The following NPAS3 variants were observed in gnomAD, a reference collection of about 807,000 sequenced individuals.
NPAS3 encodes neuronal PAS domain-containing protein 3.
A neutral mutation model predicts 73.1 loss-of-function variants in NPAS3; 14 were observed. That is an observed-to-expected ratio of 0.19 (90% confidence interval 0.13 to 0.30). The LOEUF (loss-of-function observed/expected upper bound fraction) is 0.30, where lower values mean the gene tolerates loss of function less well. Among genes scored for constraint, NPAS3 ranks in the 10% least tolerant of loss-of-function variants. The pLI is 1.00. For synonymous variants in NPAS3, 620 were observed against 541.5 expected (o/e 1.14, Z -2.01); for missense variants, 1,096 against 1,250.0 (o/e 0.88, Z 1.86).
intron 3 of NPAS3, among the ~76,000 whole-genome samples, chr14:33,219,873 A>T (rs2047358922): frequency 6.6e-6 from 1 of 152,144 alleles, no homozygotes; most frequent in South Asian, 2.1e-4. Flanking sequence ...AGACTCCAAG[A>T]CTGAGTGATA....
At position 33,387,393 on chromosome 14, in the gene NPAS3, T is replaced by C. The variant is rs1373417733; in HGVS notation, c.468+20125T>C. 2.6e-5 allele frequency among the ~76,000 whole-genome samples: 4 copies of C among 152,248 alleles called. No homozygotes were observed. The East Asian group carries it at 7.7e-4, about 29-fold the overall frequency. ...TGGCAAGACTCAGAAGCCCGGAGCTTAGCCAGGGAGAACCTTTATGCTGCT... is the reference window on the plus strand; with the variant it reads ...TGGCAAGACTCAGAAGCCCGGAGCTCAGCCAGGGAGAACCTTTATGCTGCT... On this transcript the variant is annotated intron_variant, in intron 4 of 11. Coordinates refer to ENST00000356141, the Ensembl canonical transcript of NPAS3.
chr14:33,659,739 A>G (rs2059253334), intron 5 of NPAS3, among the ~76,000 whole-genome samples: 1 of 152,186 alleles, frequency 6.6e-6, no homozygotes, highest in Non-Finnish European at 1.5e-5. Flanking sequence ...GGAAGCAAAA[A>G]AAAAAGTAGC....
chr14:33,141,840 G>A (rs1257319645), intron 2 of NPAS3, among the ~76,000 whole-genome samples: 4 of 152,140 alleles, frequency 2.6e-5, no homozygotes, highest in South Asian at 2.1e-4. Context: ...GATCTGATAC[G>A]TATCGATAGA....
intron 1 of NPAS3, among the ~76,000 whole-genome samples, chr14:32,958,812 G>C (rs892989123): frequency 1.3e-5 from 2 of 152,040 alleles, no homozygotes; most frequent in African/African-American, 4.8e-5. Context: ...TAAATACATG[G>C]GCAGGAAACA....
At chr14:33,530,218 T>G (rs911129547) in intron 4 of NPAS3, among the ~76,000 whole-genome samples, 3 of 152,170 alleles carry the variant, frequency 2.0e-5, no homozygotes, top group Non-Finnish European at 4.4e-5. Flanking sequence ...CTGGGACCTG[T>G]GCAGCTAGAA....
intron 1 of NPAS3, among the ~76,000 whole-genome samples, chr14:32,997,760 TAAA>T (rs36083770): frequency 4.4e-5 from 5 of 112,734 alleles, no homozygotes; most frequent in Admixed American, 9.3e-5. Context: ...CCGTCTCTAC[TAAA>T]AAAAAAAAAA....
chr14:33,575,935 G>C (rs899632552), intron 5 of NPAS3, among the ~76,000 whole-genome samples: 1 of 152,116 alleles, frequency 6.6e-6, no homozygotes, highest in Non-Finnish European at 1.5e-5. Flanking sequence ...AAGAGAGAGA[G>C]AGGAAGCTAA....
chr14:33,764,474 T>TG (rs1189359564), intron 7 of NPAS3, among the ~76,000 whole-genome samples: 1 of 152,190 alleles, frequency 6.6e-6, no homozygotes, highest in African/African-American at 2.4e-5. Flanking sequence ...AATAAGAGCT[T>TG]GGGGGTTCTA....
chr14:33,227,966 A>AT (rs999163359), intron 3 of NPAS3, among the ~76,000 whole-genome samples: 6 of 152,014 alleles, frequency 3.9e-5, no homozygotes, highest in Non-Finnish European at 1.5e-5. Context: ...CTGTGAACAC[A>AT]TTTTTTTGCT....
At chr14:33,267,597 C>A (rs2040875180) in intron 3 of NPAS3, among the ~76,000 whole-genome samples, 2 of 152,144 alleles carry the variant, frequency 1.3e-5, no homozygotes, top group African/African-American at 2.4e-5. Context: ...TATTCTTCTT[C>A]ATGAAGGTAG....
intron 4 of NPAS3, among the ~76,000 whole-genome samples, chr14:33,464,818 G>T (rs1339667606): frequency 6.6e-6 from 1 of 152,190 alleles, no homozygotes; most frequent in Non-Finnish European, 1.5e-5. Flanking sequence ...TCAGAGAACT[G>T]CCTGGTCCTG....
chr14:33,508,363 CT>C (rs556671718), intron 4 of NPAS3, among the ~76,000 whole-genome samples: 2 of 152,110 alleles, frequency 1.3e-5, no homozygotes, highest in South Asian at 4.1e-4. Context: ...TTCCTCAGCA[CT>C]ATGAAGCAGT....
chr14:33,056,103 G>T, intron 2 of NPAS3, 109 bp downstream of exon 2: 2 of 435,928 alleles, frequency 4.6e-6, no homozygotes, highest in South Asian at 8.3e-5. Flanking sequence ...ATCTAATTTA[G>T]TGGGGGAGAA....
At position 33,765,047 on chromosome 14, in the gene NPAS3, G is replaced by A. The variant is rs187434004; in HGVS notation, c.853-9290G>A. Reference sequence around the variant, plus strand: ...CCAATAAAAAATCTTATCTTTAGTAGAAAAAGACTGTTTTCTCCAAAGGGA... The same window carrying A: ...CCAATAAAAAATCTTATCTTTAGTAAAAAAAGACTGTTTTCTCCAAAGGGA... On this transcript the variant is annotated intron_variant, in intron 7 of 11. Transcript: ENST00000356141. Among the ~76,000 whole-genome samples the A allele has an allele frequency of 9.5e-3, 1,450 of 152,228 alleles. 29 individuals are homozygous for A. Among genetic ancestry groups the A allele is most frequent in the African/African-American group, 0.033 (1,361 of 41,530 alleles).
chr14:33,088,500 C>T (rs550119002), intron 2 of NPAS3, among the ~76,000 whole-genome samples: 21 of 152,184 alleles, frequency 1.4e-4, no homozygotes, highest in Non-Finnish European at 2.5e-4. Context: ...TAGGGGTGCC[C>T]GCCATTGCTG....
rs566300789 is a variant in NPAS3, at chr14:33,485,393, C to T, written c.469-74728C>T. Among the ~76,000 whole-genome samples, 15 of 152,224 alleles carry T rather than the reference C, an allele frequency of 9.9e-5. No homozygotes were observed. In the East Asian group the frequency reaches 2.9e-3, roughly 29 times the overall value. ...CTTGCCTGGGGTAATAATTTATGCTCCACACTTGAGTAATCACCAGGAAGA... is the reference window on the plus strand; with the variant it reads ...CTTGCCTGGGGTAATAATTTATGCTTCACACTTGAGTAATCACCAGGAAGA... On this transcript the variant is annotated intron_variant, in intron 4 of 11. Transcript: ENST00000356141.
Position 33,197,004 on chromosome 14 carries a change from T to TA in NPAS3, c.141-18170dup, listed in dbSNP as rs200785478. 3.5e-4 allele frequency among the ~76,000 whole-genome samples: 53 copies of TA among 152,134 alleles called. No individual in the cohort carries two copies. In the East Asian group the frequency reaches 8.3e-3, roughly 24 times the overall value. ...TGATAACTATGCATCATGACTGATT[T>TA]AAAAAAAAGTTCCAAAAAGGCTTCC... On this transcript the variant is annotated intron_variant, in intron 2 of 11. Transcript: ENST00000356141.
chr14:33,312,601 G>A (rs556444914), intron 3 of NPAS3, among the ~76,000 whole-genome samples: 8 of 152,134 alleles, frequency 5.3e-5, no homozygotes, highest in East Asian at 1.9e-4. Flanking sequence ...TTAAATTACC[G>A]ATCACGTCTT....
intron 4 of NPAS3, among the ~76,000 whole-genome samples, chr14:33,436,122 A>G (rs1437944309): frequency 2.0e-5 from 3 of 152,192 alleles, no homozygotes; most frequent in African/African-American, 4.8e-5. Flanking sequence ...AAGTTGAGTC[A>G]TCTTAGTCAT....
Sources: allele counts gnomAD v4.1 joint callset (sites outside exome capture counted in the v4.1 genomes callset), GRCh38; gene constraint gnomAD v4.1.1; transcripts MANE v1.5; gene names NCBI Gene and HGNC (gene_info 2026-07-23, HGNC 2026-07-21).